ZNF385B: variants seen among roughly 807,000 people sequenced by gnomAD.
ZNF385B encodes zinc finger protein 533.
In ZNF385B, 23 loss-of-function variants were observed where a neutral mutation model predicts 39.2. The ratio of observed to expected loss-of-function variants is 0.59; its 90% CI spans 0.42 to 0.83. ZNF385B has a LOEUF of 0.83. Ranked by LOEUF, ZNF385B falls within the 40% of genes least tolerant of loss-of-function variation. The probability of loss-of-function intolerance (pLI) is 0.00; values close to 1 mark genes in which losing one functional copy is unlikely to be tolerated. For synonymous variants in ZNF385B, 205 were observed against 222.6 expected (o/e 0.92, Z 0.70); for missense variants, 552 against 598.9 (o/e 0.92, Z 0.82).
chr2:179,725,880 A>C (rs1700977245), intron 3 of ZNF385B, among the ~76,000 whole-genome samples: 1 of 147,254 alleles, frequency 6.8e-6, no homozygotes, highest in Non-Finnish European at 1.5e-5. Flanking sequence ...TACATACATG[A>C]TATATATATG....
At chr2:179,724,477 A>G (rs1189722907) in intron 3 of ZNF385B, among the ~76,000 whole-genome samples, 1 of 152,188 alleles carries the variant, frequency 6.6e-6, no homozygotes, top group Non-Finnish European at 1.5e-5. Flanking sequence ...ATTCTTCCAA[A>G]GACATGCCAA....
intron 5 of ZNF385B, 66 bp from the exon 6 acceptor site, chr2:179,483,500 C>G: frequency 6.3e-7 from 1 of 1,597,440 alleles, no homozygotes; most frequent in South Asian, 1.1e-5. Flanking sequence ...GATGATCATG[C>G]AGGAGAAAAA....
chr2:179,742,320 T>C (rs1360777548), intron 3 of ZNF385B, among the ~76,000 whole-genome samples: 1 of 152,094 alleles, frequency 6.6e-6, no homozygotes, highest in African/African-American at 2.4e-5. Context: ...ATTTTGGCAC[T>C]GGTAAAACCA....
chr2:179,657,371 A>C (rs1484947197), intron 3 of ZNF385B, among the ~76,000 whole-genome samples: 1 of 152,224 alleles, frequency 6.6e-6, no homozygotes, highest in African/African-American at 2.4e-5. Context: ...GCCAAGAATA[A>C]GTAAGTTTAT....
intron 5 of ZNF385B, among the ~76,000 whole-genome samples, chr2:179,500,582 T>G (rs1417706929): frequency 2.0e-5 from 3 of 152,126 alleles, no homozygotes; most frequent in African/African-American, 7.2e-5. Context: ...TCTTGCCATA[T>G]ATAAAAATGA....
intron 3 of ZNF385B, among the ~76,000 whole-genome samples, chr2:179,709,864 G>A (rs1016749600): frequency 2.6e-5 from 4 of 152,132 alleles, no homozygotes; most frequent in African/African-American, 7.2e-5. Context: ...CCTGCACAGA[G>A]CTACTGCAGG....
At chr2:179,736,354 A>C (rs1047705889) in intron 3 of ZNF385B, among the ~76,000 whole-genome samples, 5 of 151,722 alleles carry the variant, frequency 3.3e-5, no homozygotes, top group Admixed American at 6.6e-5. Context: ...TTTAGCTCTT[A>C]TTTTGCTTGA....
At chr2:179,485,155 G>A (rs578154280) in intron 5 of ZNF385B, among the ~76,000 whole-genome samples, 146 of 152,296 alleles carry the variant, frequency 9.6e-4, no homozygotes, top group African/African-American at 3.4e-3. Flanking sequence ...AGATGACACA[G>A]AAAGGAAGGC....
chr2:179,573,862 G>C (rs765365426), intron 3 of ZNF385B, among the ~76,000 whole-genome samples: 7 of 152,014 alleles, frequency 4.6e-5, no homozygotes, highest in African/African-American at 7.2e-5. Context: ...TTACATTTCA[G>C]TCTCTGTGAA....
chr2:179,757,245 C>G (rs1178350595), intron 3 of ZNF385B, among the ~76,000 whole-genome samples: 1 of 152,232 alleles, frequency 6.6e-6, no homozygotes, highest in Non-Finnish European at 1.5e-5. Flanking sequence ...CCCTGTTTGC[C>G]TGGGTATCAG....
chr2:179,747,349 G>A lies in ZNF385B; in HGVS notation c.298+22154C>T, dbSNP rs191398687. ...GACACACGATTGGATATGCACATGC[G>A]TGTGCGTATACATATACCTATGCCA... On this transcript the variant is annotated intron_variant, in intron 3 of 9. Coordinates refer to ENST00000410066, the MANE Select transcript of ZNF385B (RefSeq NM_152520.6). Among the ~76,000 whole-genome samples, 39 of 152,242 alleles carry A rather than the reference G, an allele frequency of 2.6e-4. No individual in the cohort carries two copies. The East Asian group carries it at 7.3e-3, about 29-fold the overall frequency.
chr2:179,733,346 A>T (rs551043573), intron 3 of ZNF385B, among the ~76,000 whole-genome samples: 1 of 152,226 alleles, frequency 6.6e-6, no homozygotes, highest in Non-Finnish European at 1.5e-5. Flanking sequence ...CAAAGTCATC[A>T]TCTAGCAACT....
intron 3 of ZNF385B, among the ~76,000 whole-genome samples, chr2:179,701,225 A>G (rs908040817): frequency 6.6e-6 from 1 of 152,232 alleles, no homozygotes; most frequent in African/African-American, 2.4e-5. Context: ...TCTGGCAAGA[A>G]TATCACCCAG....
chr2:179,806,893 G>A (rs1291307405), intron 1 of ZNF385B, among the ~76,000 whole-genome samples: 1 of 152,086 alleles, frequency 6.6e-6, no homozygotes, highest in African/African-American at 2.4e-5. Flanking sequence ...TCAATTTCAC[G>A]CCATATACAG....
chr2:179,834,091 T>C (rs1215857200), intron 1 of ZNF385B, among the ~76,000 whole-genome samples: 1 of 152,144 alleles, frequency 6.6e-6, no homozygotes, highest in East Asian at 1.9e-4. Context: ...AAAAGAATGC[T>C]GTGGTATGGG....
intron 3 of ZNF385B, among the ~76,000 whole-genome samples, chr2:179,649,731 A>T (rs1575086991): frequency 6.6e-6 from 1 of 152,292 alleles, no homozygotes; most frequent in East Asian, 1.9e-4. Flanking sequence ...AAAGCACAAA[A>T]TCCATTAGCA....
At chr2:179,543,704 T>C (rs1466404523) in intron 4 of ZNF385B, among the ~76,000 whole-genome samples, 1 of 151,916 alleles carries the variant, frequency 6.6e-6, no homozygotes, top group East Asian at 1.9e-4. Flanking sequence ...TCTGAAAAGC[T>C]CAAAGAAGAC....
intron 1 of ZNF385B, among the ~76,000 whole-genome samples, chr2:179,860,009 G>A (rs1247957907): frequency 5.9e-5 from 9 of 152,094 alleles, no homozygotes; most frequent in Admixed American, 5.9e-4. Flanking sequence ...ATTTCCTACC[G>A]TTTCATGAAT....
rs1483849115 is a variant in ZNF385B at position 179,608,445 on chromosome 2, T to C, written c.299-63476A>G. Reference sequence around the variant, plus strand: ...TCACATGCAGAACAAACCCACCTGCTGAGTGACCTGCTGTGCCCCTTCCAG... The same window carrying C: ...TCACATGCAGAACAAACCCACCTGCCGAGTGACCTGCTGTGCCCCTTCCAG... On this transcript the variant is annotated intron_variant, in intron 3 of 9. Transcript: ENST00000410066. Among the ~76,000 whole-genome samples the C allele has an allele frequency of 2.0e-5, 3 of 152,178 alleles. No homozygotes were observed. In the East Asian group the frequency reaches 5.8e-4, roughly 29 times the overall value.
Sources: gnomAD v4.1 joint callset for allele counts (sites outside exome capture counted in the v4.1 genomes callset) on GRCh38, gnomAD v4.1.1 for gene constraint, MANE v1.5 for transcripts, NCBI Gene and HGNC (gene_info 2026-07-23, HGNC 2026-07-21) for gene names.